DPP10: variants seen among roughly 807,000 people sequenced by gnomAD.
DPP10 encodes the protein dipeptidyl peptidase like 10, also known as inactive dipeptidyl peptidase 10.
DPP10 carries 33 observed loss-of-function variants against 120.9 expected under a neutral mutation model. The ratio of observed to expected loss-of-function variants is 0.27; its 90% CI spans 0.21 to 0.37. The LOEUF is 0.37. Among genes scored for constraint, DPP10 ranks in the 10% least tolerant of loss-of-function variants. DPP10 has a pLI of 1.00. For synonymous variants in DPP10, 337 were observed against 326.1 expected, an observed-to-expected ratio of 1.03 and a Z score of -0.36; for missense variants, 816 against 942.8, an observed-to-expected ratio of 0.87 and a Z score of 1.76.
chr2:114,598,197 G>A (rs1277396673), intron 1 of DPP10, among the ~76,000 whole-genome samples: 5 of 151,882 alleles, frequency 3.3e-5, no homozygotes, highest in Non-Finnish European at 5.9e-5. Flanking sequence ...ATGATACAGG[G>A]CTAAAGTGGC....
chr2:114,767,157 C>A (rs896713213), intron 1 of DPP10, among the ~76,000 whole-genome samples: 1 of 124,140 alleles, frequency 8.1e-6, no homozygotes, highest in Non-Finnish European at 1.6e-5. Context: ...AACAACACAC[C>A]GAAGTATCAA....
At chr2:115,375,040 T>A (rs987102374) in intron 3 of DPP10, among the ~76,000 whole-genome samples, 3 of 152,250 alleles carry the variant, frequency 2.0e-5, no homozygotes, top group Non-Finnish European at 4.4e-5. Context: ...GTTCTGCAGG[T>A]AGCTTGAATT....
At chr2:114,836,033 G>C (rs13405999) in intron 1 of DPP10, among the ~76,000 whole-genome samples, 103,768 of 151,910 alleles carry the variant, frequency 0.68, 35,786 homozygotes, top group South Asian at 0.77. Flanking sequence ...TGTTATTGGA[G>C]AGTATTGGAT....
chr2:115,334,971 G>A (rs947059693), intron 2 of DPP10, among the ~76,000 whole-genome samples: 13 of 150,982 alleles, frequency 8.6e-5, no homozygotes, highest in African/African-American at 2.9e-4. Flanking sequence ...TGCTGATAAA[G>A]ATATACCCGA....
Position 114,761,072 on chromosome 2 carries a change from T to C in DPP10, c.60+318234T>C, listed in dbSNP as rs1182726095. Among the ~76,000 whole-genome samples, 6 of 152,178 alleles carry C rather than the reference T, an allele frequency of 3.9e-5. No homozygotes were observed. In the East Asian group the frequency reaches 9.7e-4, roughly 25 times the overall value. ...TTTTCTCCGTGTTGCAGCTAAAACA[T>C]TGGGGCTCAGTTGACTTAAGAAATT... On this transcript the variant is annotated intron_variant, in intron 1 of 25. Transcript: ENST00000410059.
chr2:115,413,875 T>G (rs2069148686), intron 3 of DPP10, among the ~76,000 whole-genome samples: 1 of 151,778 alleles, frequency 6.6e-6, no homozygotes, highest in Admixed American at 6.6e-5. Flanking sequence ...ACCATTTGAC[T>G]TTATCTAAGG....
At chr2:115,023,247 A>G (rs1220684054) in intron 1 of DPP10, among the ~76,000 whole-genome samples, 2 of 152,078 alleles carry the variant, frequency 1.3e-5, no homozygotes, top group African/African-American at 4.8e-5. Flanking sequence ...CACAATCTAT[A>G]TATCCAACAA....
chr2:115,171,837 C>T (rs1032569218), intron 1 of DPP10, among the ~76,000 whole-genome samples: 5 of 152,250 alleles, frequency 3.3e-5, no homozygotes, highest in South Asian at 2.1e-4. Flanking sequence ...GGTCCTTAGA[C>T]TTTTGGCACC....
At chr2:115,273,384 C>G (rs1256950681) in intron 1 of DPP10, among the ~76,000 whole-genome samples, 1 of 152,044 alleles carries the variant, frequency 6.6e-6, no homozygotes, top group Admixed American at 6.5e-5. Context: ...CTCTGTGGCC[C>G]AGGCTGGAGT....
chr2:115,407,585 A>T, intron 3 of DPP10, among the ~76,000 whole-genome samples: 1 of 152,176 alleles, frequency 6.6e-6, no homozygotes, highest in East Asian at 1.9e-4. Context: ...ACATGTATCC[A>T]AATGAAACAA....
chr2:115,415,877 G>GCA (rs371038286), intron 3 of DPP10, among the ~76,000 whole-genome samples: 5 of 50,138 alleles, frequency 1.0e-4, no homozygotes, highest in Admixed American at 2.2e-4. Flanking sequence ...ATATATATAT[G>GCA]CACACACACA....
At chr2:115,123,970 A>G (rs1360290398) in intron 1 of DPP10, among the ~76,000 whole-genome samples, 1 of 151,144 alleles carries the variant, frequency 6.6e-6, no homozygotes, top group African/African-American at 2.4e-5. Flanking sequence ...TTTTTTAGAC[A>G]AAGTCTCACT....
At chr2:114,657,110 G>A (rs149723945) in intron 1 of DPP10, among the ~76,000 whole-genome samples, 300 of 152,108 alleles carry the variant, frequency 2.0e-3, no homozygotes, top group African/African-American at 6.7e-3. Flanking sequence ...GAAGATTAAT[G>A]GGTAATTTCG....
chr2:115,209,886 T>C (rs2056391694), intron 1 of DPP10, among the ~76,000 whole-genome samples: 1 of 152,098 alleles, frequency 6.6e-6, no homozygotes, highest in South Asian at 2.1e-4. Flanking sequence ...AACACTTCAT[T>C]TCTATAATAT....
rs1296127991 is a variant in DPP10 at position 115,615,245 on chromosome 2, C to T, written c.442-74442C>T. ...CCTTACAGCTGGATAAGTGGGTAAC[C>T]TTTGTGTCCATAGATTCTTAGGTAG... On this transcript the variant is annotated intron_variant, in intron 5 of 25. Coordinates refer to ENST00000410059, the MANE Select transcript of DPP10 (RefSeq NM_020868.6). Among the ~76,000 whole-genome samples the T allele has an allele frequency of 2.0e-5, 3 of 152,152 alleles. No individual in the cohort carries two copies. In the South Asian group the frequency reaches 6.2e-4, roughly 32 times the overall value.
At chr2:115,453,887 A>G (rs1325864041) in intron 3 of DPP10, among the ~76,000 whole-genome samples, 1 of 151,386 alleles carries the variant, frequency 6.6e-6, no homozygotes, top group East Asian at 1.9e-4. Context: ...AACACAAATT[A>G]CCAAGACTGA....
At chr2:115,036,748 A>T (rs1325810109) in intron 1 of DPP10, among the ~76,000 whole-genome samples, 1 of 152,070 alleles carries the variant, frequency 6.6e-6, no homozygotes, top group African/African-American at 2.4e-5. Context: ...CCTATTTTCT[A>T]TGTGGATATT....
chr2:114,984,194 T>C (rs1700261382), intron 1 of DPP10, among the ~76,000 whole-genome samples: 1 of 152,194 alleles, frequency 6.6e-6, no homozygotes. Flanking sequence ...TGATAGACTA[T>C]AAAGAGAAGT....
chr2:114,501,512 C>A (rs1414750327), intron 1 of DPP10, among the ~76,000 whole-genome samples: 3 of 152,214 alleles, frequency 2.0e-5, no homozygotes, highest in African/African-American at 7.2e-5. Context: ...GCTAAAAAAT[C>A]TGCCATGTTC....
Sources: allele counts gnomAD v4.1 joint callset (sites outside exome capture counted in the v4.1 genomes callset), GRCh38; gene constraint gnomAD v4.1.1; transcripts MANE v1.5; gene names NCBI Gene and HGNC (gene_info 2026-07-23, HGNC 2026-07-21).